The following TCERG1L variants were observed in gnomAD, a reference collection of about 807,000 sequenced individuals.
TCERG1L encodes transcription elongation regulator 1 like, also known as transcription elongation regulator 1-like protein.
Under a neutral mutation model 56.3 loss-of-function variants are expected in TCERG1L, and 37 were observed. The observed-to-expected ratio is 0.66, with a 90% CI of 0.51 to 0.87. The LOEUF is 0.87. TCERG1L is among the 40% of genes least tolerant of loss of function. The probability of loss-of-function intolerance (pLI) is 0.00; values close to 1 mark genes in which losing one functional copy is unlikely to be tolerated. For synonymous variants in TCERG1L, 324 were observed against 326.3 expected (o/e 0.99, Z 0.08); for missense variants, 799 against 774.2 (o/e 1.03, Z -0.38).
chr10:131,290,220 G>A (rs1216975040), intron 3 of TCERG1L, among the ~76,000 whole-genome samples: 2 of 148,180 alleles, frequency 1.3e-5, no homozygotes, highest in African/African-American at 5.0e-5. Flanking sequence ...ATCTCCTATC[G>A]GTGTGTGTGA....
Position 131,260,112 on chromosome 10 carries a change from C to T in TCERG1L, c.856+147G>A. On this transcript the variant is annotated intron_variant, in intron 4 of 11. Coordinates refer to ENST00000368642, the MANE Select transcript of TCERG1L (RefSeq NM_174937.4). This position sits in a 1 kb window ranked among gnomAD's most constrained non-coding sequence, Gnocchi z 5.8. ...GCAGGGTCCGAAGTCAAGCAAAGCC[C>T]AAACGGCCCCAGCCGAATGTTTCCC... 8.1e-7 allele frequency: 1 copy of T among 1,228,790 alleles called. No homozygotes were observed. Among genetic ancestry groups the T allele is most frequent in the Non-Finnish European group, 1.0e-6 (1 of 984,754 alleles). The allele number at this position is 1,228,790 out of a possible 1,614,324, so 76.1% of individuals were successfully genotyped here. A position where few individuals can be genotyped will look rare whatever the true frequency, so the allele number is the denominator to read the frequency against.
At chr10:131,305,908 TTATAATA>T (rs1219849506) in intron 3 of TCERG1L, among the ~76,000 whole-genome samples, 5 of 152,044 alleles carry the variant, frequency 3.3e-5, no homozygotes, top group Non-Finnish European at 7.4e-5. Flanking sequence ...ATGCATACTT[TTATAATA>T]TATATTTGTG....
chr10:131,201,423 G>A (rs762576852), intron 4 of TCERG1L, among the ~76,000 whole-genome samples: 41 of 152,272 alleles, frequency 2.7e-4, no homozygotes, highest in Middle Eastern at 3.4e-3. Flanking sequence ...GGAGCACAGC[G>A]CCAAGAGTTC....
At chr10:131,105,238 A>T (rs1646954251) in intron 9 of TCERG1L, among the ~76,000 whole-genome samples, 1 of 152,244 alleles carries the variant, frequency 6.6e-6, no homozygotes, top group African/African-American at 2.4e-5. Flanking sequence ...TCATGTCATA[A>T]CAAGGGTACA....
At chr10:131,210,485 T>TGGGCAAGC (rs1030603817) in intron 4 of TCERG1L, among the ~76,000 whole-genome samples, 2 of 152,230 alleles carry the variant, frequency 1.3e-5, no homozygotes, top group Non-Finnish European at 1.5e-5. Flanking sequence ...CGGCACTCCG[T>TGGGCAAGC]GGGCAATACC....
intron 4 of TCERG1L, among the ~76,000 whole-genome samples, chr10:131,211,432 C>T (rs897246165): frequency 7.2e-5 from 11 of 152,222 alleles, no homozygotes; most frequent in African/African-American, 2.2e-4. Flanking sequence ...ACCCCTTTCC[C>T]GGTGTTCTGG....
chr10:131,147,941 T>A (rs956195552), intron 6 of TCERG1L, among the ~76,000 whole-genome samples: 1 of 152,166 alleles, frequency 6.6e-6, no homozygotes, highest in African/African-American at 2.4e-5. Context: ...GCACGTTCCA[T>A]GGGCCAGGCA....
At chr10:131,098,986 G>T (rs1292533894) in intron 10 of TCERG1L, among the ~76,000 whole-genome samples, 1 of 152,168 alleles carries the variant, frequency 6.6e-6, no homozygotes, top group African/African-American at 2.4e-5. Flanking sequence ...GTGAACCTGG[G>T]CGTCTGGTGC....
intron 3 of TCERG1L, among the ~76,000 whole-genome samples, chr10:131,277,065 C>T (rs541550218): frequency 1.7e-4 from 26 of 152,082 alleles, no homozygotes; most frequent in African/African-American, 5.1e-4. Context: ...CTATCCTAAG[C>T]GAGACGAGAG....
At chr10:131,256,997 G>GGAAGGAAGGAAGGAAGGAA in intron 4 of TCERG1L, among the ~76,000 whole-genome samples, 1 of 74,262 alleles carries the variant, frequency 1.3e-5, no homozygotes, top group East Asian at 3.3e-4. Context: ...AGGAAGGAAA[G>GGAAGGAAGGAAGGAAGGAA]AAAGAAAGAA....
At chr10:131,182,651 C>A (rs774534709) in intron 4 of TCERG1L, among the ~76,000 whole-genome samples, 8 of 152,194 alleles carry the variant, frequency 5.3e-5, no homozygotes, top group Non-Finnish European at 1.2e-4. Flanking sequence ...TTTATATACA[C>A]CCTGCTTTAG....
intron 11 of TCERG1L, among the ~76,000 whole-genome samples, chr10:131,095,023 G>A (rs1845227163): frequency 6.6e-6 from 1 of 152,228 alleles, no homozygotes; most frequent in African/African-American, 2.4e-5. Flanking sequence ...GCTTTCTGCT[G>A]ATGCTGATGA....
intron 7 of TCERG1L, among the ~76,000 whole-genome samples, chr10:131,141,919 C>T (rs1377356626): frequency 2.6e-5 from 4 of 152,118 alleles, no homozygotes; most frequent in South Asian, 2.1e-4. Flanking sequence ...TCCCAGCTCC[C>T]GCACATCCCA....
chr10:131,094,067 G>A (rs1442781641), intron 11 of TCERG1L, among the ~76,000 whole-genome samples: 1 of 152,232 alleles, frequency 6.6e-6, no homozygotes, highest in African/African-American at 2.4e-5. Flanking sequence ...CAGCAAGGCT[G>A]TTCTCAAGGC....
At chr10:131,100,866 C>T (rs56815579) in intron 10 of TCERG1L, among the ~76,000 whole-genome samples, 27,063 of 152,206 alleles carry the variant, frequency 0.18, 2,743 homozygotes, top group Middle Eastern at 0.24. Flanking sequence ...TCCCATTCCT[C>T]ATACGAGCTG....
intron 4 of TCERG1L, among the ~76,000 whole-genome samples, chr10:131,181,174 C>T (rs1040035926): frequency 6.6e-5 from 10 of 152,202 alleles, no homozygotes; most frequent in Middle Eastern, 3.4e-3. Flanking sequence ...GCTGGGACCT[C>T]CCCACAGTGG....
chr10:131,203,351 C>T lies in TCERG1L; in HGVS notation c.857-36466G>A, dbSNP rs557062987. On this transcript the variant is annotated intron_variant, in intron 4 of 11. Transcript: ENST00000368642. ...GACTTCCAGTATGTCACAGTGGTGACCTTCATGGTCTCGTCACTTAAGATC... is the reference window on the plus strand; with the variant it reads ...GACTTCCAGTATGTCACAGTGGTGATCTTCATGGTCTCGTCACTTAAGATC... Among the ~76,000 whole-genome samples the T allele has an allele frequency of 1.3e-3, 195 of 145,168 alleles. 2 individuals are homozygous for T. The highest frequency in any genetic ancestry group is 4.7e-3 in the African/African-American group (188 of 39,590).
chr10:131,160,165 G>C (rs1033640344), intron 6 of TCERG1L, among the ~76,000 whole-genome samples: 41 of 152,156 alleles, frequency 2.7e-4, no homozygotes, highest in South Asian at 1.2e-3. Context: ...CCACTCAAAG[G>C]TATTAGTTCG....
Position 131,116,787 on chromosome 10 carries a change from G to A in TCERG1L, c.1395+12C>T, listed in dbSNP as rs2298192. The A allele has an allele frequency of 0.14, 220,952 of 1,552,642 alleles. 17,232 individuals carry two copies. The highest frequency in any genetic ancestry group is 0.22 in the Middle Eastern group (1,281 of 5,952). Reference sequence around the variant, plus strand: ...GCCGTAGGAGTGCAGCCCCTCAGCCGCTGTGCCTTACCCCTCTCTCCAGCA... The same window carrying A: ...GCCGTAGGAGTGCAGCCCCTCAGCCACTGTGCCTTACCCCTCTCTCCAGCA... On this transcript the variant is annotated intron_variant, in intron 9 of 11. Transcript: ENST00000368642.
Sources: allele counts gnomAD v4.1 joint callset (sites outside exome capture counted in the v4.1 genomes callset), GRCh38; gene constraint gnomAD v4.1.1; non-coding constraint Gnocchi (gnomAD v3.1); transcripts MANE v1.5; gene names NCBI Gene and HGNC (gene_info 2026-07-23, HGNC 2026-07-21).